Variants in STK10 observed in about 807,000 individuals in gnomAD.
The protein encoded by STK10 is serine/threonine kinase 10, also known as serine/threonine-protein kinase 10.
In STK10, 78 loss-of-function variants were observed where a neutral mutation model predicts 113.8. The observed-to-expected ratio is 0.69, with a 90% CI of 0.57 to 0.83. STK10 has a LOEUF of 0.83. Among genes scored for constraint, STK10 ranks in the 40% least tolerant of loss-of-function variants. The pLI is 0.00. For synonymous variants in STK10, 465 were observed against 494.7 expected (o/e 0.94, Z 0.80); for missense variants, 1,109 against 1,280.1 (o/e 0.87, Z 2.04).
At chr5:172,145,949 G>A (rs1770077984) in intron 2 of STK10, among the ~76,000 whole-genome samples, 1 of 152,186 alleles carries the variant, frequency 6.6e-6, no homozygotes, top group African/African-American at 2.4e-5. Context: ...CCCGTGCAAG[G>A]CTGGAGAAAC....
chr5:172,127,285 G>A (rs1330805511), intron 3 of STK10, 88 bp downstream of exon 3: 12 of 1,461,988 alleles, frequency 8.2e-6, no homozygotes, highest in Non-Finnish European at 1.1e-5. Context: ...GGAGGTCCCA[G>A]TCCTAGACAG....
At position 172,093,919 on chromosome 5, in the gene STK10, C is replaced by T. The variant is rs888126747; in HGVS notation, c.1047G>A (p.Pro349=). 7.2e-6 allele frequency: 11 copies of T among 1,527,520 alleles called. No homozygotes were observed. Among genetic ancestry groups the T allele is most frequent in the Admixed American group, 4.2e-5 (2 of 47,374 alleles). 94.6% of individuals were successfully genotyped at this position (1,527,520 alleles called of 1,614,324 possible). A position where few individuals can be genotyped will look rare whatever the true frequency, so the allele number is the denominator to read the frequency against. ...NHTQNSSEVS[P]PSLNADKPLE... is the part of the protein sequence containing the mutation. ...GAGGCTTGTCAGCATTGAGGCTTGG[C>T]GGACTCACCTCAGAGGAGTTCTGAG... Residue 349 remains proline, a synonymous_variant, in exon 9 of 19, where the codon CCG becomes CCA. Transcript: ENST00000176763. The surrounding 1 kb of genome is among the most constrained non-coding windows in gnomAD (Gnocchi z 4.1).
chr5:172,115,087 C>T (rs1769346781), intron 4 of STK10: 1 of 152,234 alleles, frequency 6.6e-6, no homozygotes, highest in Admixed American at 6.5e-5. Context: ...TCCTCCCTTC[C>T]TCTGAAAAAC....
chr5:172,116,426 C>T (rs139810073), intron 4 of STK10, among the ~76,000 whole-genome samples: 161 of 152,068 alleles, frequency 1.1e-3, no homozygotes, highest in East Asian at 8.1e-3. Flanking sequence ...TATCATTTGG[C>T]GATGCAGAAG....
intron 16 of STK10, among the ~76,000 whole-genome samples, chr5:172,055,339 C>A (rs1767724130): frequency 6.6e-6 from 1 of 152,086 alleles, no homozygotes; most frequent in South Asian, 2.1e-4. Context: ...AGCCACCACA[C>A]CTGGCTAATA....
chr5:172,071,485 T>A (rs529059611), intron 12 of STK10, among the ~76,000 whole-genome samples: 1 of 152,194 alleles, frequency 6.6e-6, no homozygotes, highest in Admixed American at 6.6e-5. Context: ...ATTTTCCCTG[T>A]AGGGAGCAAG....
At chr5:172,100,693 A>T (rs1019645148) in intron 7 of STK10, among the ~76,000 whole-genome samples, 11 of 152,192 alleles carry the variant, frequency 7.2e-5, no homozygotes, top group Non-Finnish European at 1.5e-4. Flanking sequence ...AGGCTGAAGC[A>T]AGAGAATCGC....
intron 18 of STK10, among the ~76,000 whole-genome samples, chr5:172,047,518 G>A (rs1235963487): frequency 2.0e-5 from 3 of 152,120 alleles, no homozygotes; most frequent in Non-Finnish European, 4.4e-5. Context: ...GCAGACCATG[G>A]TTACAGAAAC....
chr5:172,105,700 C>T lies in STK10; in HGVS notation c.826G>A (p.Asp276Asn). The T allele has an allele frequency of 6.2e-7, 1 of 1,613,852 alleles. No homozygotes were observed. Among genetic ancestry groups the T allele is most frequent in the South Asian group, 1.1e-5 (1 of 91,084 alleles). Reference sequence around the variant, plus strand: ...CTGGGTCGGGTTTCTGGGTTCTTATCCAGGGCTATCTTCAGGAAGTCACGG... The same window carrying T: ...CTGGGTCGGGTTTCTGGGTTCTTATTCAGGGCTATCTTCAGGAAGTCACGG... The part of the protein sequence containing the change: ...EFRDFLKIAL[D>N]KNPETRPSAA... Residue 276 changes from aspartate to asparagine, a missense_variant, in exon 7 of 19, where the codon GAT becomes AAT. Around this residue, in one of 5 missense-constraint regions of STK10, gnomAD observed 885 missense variants for 991.1 expected, o/e 0.89. Transcript: ENST00000176763.
chr5:172,159,717 G>A (rs1410141236), intron 1 of STK10, among the ~76,000 whole-genome samples: 1 of 152,146 alleles, frequency 6.6e-6, no homozygotes, highest in Non-Finnish European at 1.5e-5. Context: ...CAGCTACTCA[G>A]GAGGCTGAGG....
chr5:172,063,604 G>A (rs938965518), intron 13 of STK10: 6 of 152,332 alleles, frequency 3.9e-5, no homozygotes, highest in African/African-American at 1.4e-4. Flanking sequence ...CTGCGTGGAT[G>A]AGGGCCTGTG....
chr5:172,097,413 C>T (rs1282321078), intron 7 of STK10, among the ~76,000 whole-genome samples: 2 of 152,208 alleles, frequency 1.3e-5, no homozygotes, highest in Non-Finnish European at 2.9e-5. Context: ...TTTCCATCAC[C>T]GGGGAAGGCT....
chr5:172,064,496 G>C, intron 13 of STK10: 1 of 594,454 alleles, frequency 1.7e-6, no homozygotes, highest in Admixed American at 2.9e-5. Flanking sequence ...TAAAGTGTTG[G>C]GGTATCCAGA....
At chr5:172,104,949 T>C (rs3103593) in intron 7 of STK10, among the ~76,000 whole-genome samples, 127,261 of 152,062 alleles carry the variant, frequency 0.84, 53,387 homozygotes, top group East Asian at 0.97. Context: ...GGGAGAGGGC[T>C]CTGGAAGCTT....
At chr5:172,067,229 C>T (rs1438950960) in intron 12 of STK10, among the ~76,000 whole-genome samples, 1 of 152,078 alleles carries the variant, frequency 6.6e-6, no homozygotes, top group Non-Finnish European at 1.5e-5. Flanking sequence ...GGTGCCAGTG[C>T]ACCTGTAGTC....
intron 2 of STK10, among the ~76,000 whole-genome samples, chr5:172,145,923 C>A (rs926074379): frequency 2.0e-5 from 3 of 152,214 alleles, no homozygotes; most frequent in Admixed American, 2.0e-4. Flanking sequence ...AGAGACAGCC[C>A]TGCACCAGCG....
intron 4 of STK10, among the ~76,000 whole-genome samples, chr5:172,114,106 A>T (rs1561813039): frequency 6.6e-6 from 1 of 152,118 alleles, no homozygotes; most frequent in Admixed American, 6.6e-5. Flanking sequence ...AGACTAAGTA[A>T]TGCACAGAAG....
intron 3 of STK10, among the ~76,000 whole-genome samples, chr5:172,122,623 A>G (rs144351452): frequency 0.015 from 2,276 of 151,954 alleles, 57 homozygotes; most frequent in African/African-American, 0.052. Context: ...ATGTTTGTTT[A>G]TTTGTTTTGT....
chr5:172,149,818 G>C (rs1770173899), intron 2 of STK10, among the ~76,000 whole-genome samples: 1 of 151,960 alleles, frequency 6.6e-6, no homozygotes, highest in Admixed American at 6.6e-5. Flanking sequence ...GGCCGAGGCG[G>C]GTGGATCACC....
Sources: allele counts gnomAD v4.1 joint callset (sites outside exome capture counted in the v4.1 genomes callset), GRCh38; gene constraint gnomAD v4.1.1; regional missense constraint gnomAD v4.1.1; non-coding constraint Gnocchi (gnomAD v3.1); transcripts MANE v1.5; gene names NCBI Gene and HGNC (gene_info 2026-07-23, HGNC 2026-07-21).